The following EYS variants were observed in gnomAD, a reference collection of about 807,000 sequenced individuals.
The protein encoded by EYS is protein eyes shut homolog.
In EYS, 250 loss-of-function variants were observed where a neutral mutation model predicts 282.1. The observed-to-expected ratio is 0.89, with a 90% CI of 0.80 to 0.98. The LOEUF is 0.98. EYS is among the 50% of genes least tolerant of loss of function. The pLI is 0.00. For missense variants in EYS, 4,016 were observed against 3,709.0 expected, an observed-to-expected ratio of 1.08 and a Z score of -2.15; for synonymous variants, 1,355 against 1,282.9, an observed-to-expected ratio of 1.06 and a Z score of -1.20.
At chr6:64,398,761 C>A (rs954267616) in intron 28 of EYS, among the ~76,000 whole-genome samples, 1 of 151,810 alleles carries the variant, frequency 6.6e-6, no homozygotes, top group African/African-American at 2.4e-5. Flanking sequence ...CAGGTATGGT[C>A]ATGCAGCCAA....
intron 26 of EYS, among the ~76,000 whole-genome samples, chr6:64,512,386 A>C (rs374109625): frequency 6.2e-4 from 94 of 152,122 alleles, no homozygotes; most frequent in African/African-American, 2.2e-3. Flanking sequence ...GGCAATAAAT[A>C]CTGCAGTAGG....
At chr6:64,735,122 C>T (rs542308591) in intron 22 of EYS, among the ~76,000 whole-genome samples, 35 of 152,158 alleles carry the variant, frequency 2.3e-4, no homozygotes, top group African/African-American at 8.4e-4. Flanking sequence ...CATGCTCTGT[C>T]GCCCAGGCTG....
At chr6:64,096,938 T>A (rs1385993097) in intron 31 of EYS, among the ~76,000 whole-genome samples, 1 of 152,214 alleles carries the variant, frequency 6.6e-6, no homozygotes, top group East Asian at 1.9e-4. Context: ...TTGGTGTGGA[T>A]GTCCTTTCTG....
intron 15 of EYS, among the ~76,000 whole-genome samples, chr6:64,943,114 T>A (rs1222155970): frequency 6.6e-6 from 1 of 152,006 alleles, no homozygotes; most frequent in Non-Finnish European, 1.5e-5. Flanking sequence ...AAAAAACACA[T>A]GATGATCCCA....
intron 11 of EYS, among the ~76,000 whole-genome samples, chr6:65,326,293 C>T (rs552196751): frequency 1.1e-4 from 17 of 151,584 alleles, no homozygotes; most frequent in African/African-American, 4.1e-4. Flanking sequence ...TTTTAGAAAG[C>T]GATAGATTTA....
At chr6:64,658,582 C>T (rs1282493275) in intron 22 of EYS, among the ~76,000 whole-genome samples, 1 of 152,190 alleles carries the variant, frequency 6.6e-6, no homozygotes, top group Non-Finnish European at 1.5e-5. Context: ...AGTCAGGACC[C>T]TCAGCTGGAG....
intron 12 of EYS, among the ~76,000 whole-genome samples, chr6:65,293,514 A>T (rs1245640639): frequency 3.3e-5 from 5 of 151,846 alleles, no homozygotes; most frequent in Non-Finnish European, 5.9e-5. Context: ...TTTTCTGCAG[A>T]GAAGATTGGA....
chr6:65,561,347 A>G (rs1459034704), intron 2 of EYS, among the ~76,000 whole-genome samples: 1 of 152,222 alleles, frequency 6.6e-6, no homozygotes, highest in Non-Finnish European at 1.5e-5. Flanking sequence ...GCTCCCAATT[A>G]GCTGAAGAGA....
chr6:65,091,271 T>TAAAAAA (rs397887871), intron 12 of EYS, among the ~76,000 whole-genome samples: 1 of 56,418 alleles, frequency 1.8e-5, no homozygotes, highest in African/African-American at 6.6e-5. Context: ...CCATCTCCCC[T>TAAAAAA]AAAAAAAAAA....
intron 5 of EYS, among the ~76,000 whole-genome samples, chr6:65,475,362 T>A (rs1295260365): frequency 6.6e-6 from 1 of 152,102 alleles, no homozygotes; most frequent in East Asian, 1.9e-4. Context: ...TGAATCTTTC[T>A]AGCATTGGTC....
intron 22 of EYS, chr6:64,631,401 A>G (rs1244403014): frequency 2.6e-5 from 4 of 152,208 alleles, no homozygotes. Flanking sequence ...CACCTGGCCT[A>G]GATACTTTCC....
chr6:65,509,969 A>G (rs1013548247), intron 2 of EYS, among the ~76,000 whole-genome samples: 1 of 151,398 alleles, frequency 6.6e-6, no homozygotes, highest in East Asian at 2.0e-4. Flanking sequence ...GACCACACAT[A>G]TTATTGTTAT....
chr6:65,154,308 A>G (rs957485320), intron 12 of EYS, among the ~76,000 whole-genome samples: 1 of 151,756 alleles, frequency 6.6e-6, no homozygotes, highest in Non-Finnish European at 1.5e-5. Flanking sequence ...AAATTTCAAA[A>G]GAAAGGAGCA....
chr6:65,437,618 C>T (rs1369678921), intron 5 of EYS, among the ~76,000 whole-genome samples: 1 of 152,134 alleles, frequency 6.6e-6, no homozygotes, highest in African/African-American at 2.4e-5. Context: ...AAGAGTACTT[C>T]ATGTATGCTT....
chr6:64,864,406 TGACAGA>T, intron 19 of EYS, among the ~76,000 whole-genome samples: 1 of 129,286 alleles, frequency 7.7e-6, no homozygotes, highest in Non-Finnish European at 1.6e-5. Context: ...TTTTTTTTTT[TGACAGA>T]ATCTTGCTCT....
rs745655972 is a variant in EYS at position 65,353,483 on chromosome 6, T to C, written c.1434A>G (p.Glu478=). ...ICQDKGPAQF[E]YVWQLGFAGS... ...CTGCAAATCCCAATTGCCACACATA[T>C]TCAAATTGAGCAGGACCTTTATCTT... Residue 478 remains glutamate, a synonymous_variant, in exon 9 of 43, where the codon GAA becomes GAG. Coordinates refer to ENST00000503581, the MANE Select transcript of EYS (RefSeq NM_001142800.2). 6.2e-7 allele frequency: 1 copy of C among 1,613,190 alleles called. No individual in the cohort carries two copies. The highest frequency in any genetic ancestry group is 1.1e-5 in the South Asian group (1 of 91,048).
intron 12 of EYS, among the ~76,000 whole-genome samples, chr6:65,200,163 TAA>T: frequency 6.6e-6 from 1 of 152,052 alleles, no homozygotes; most frequent in East Asian, 1.9e-4. Context: ...GAAGGAAAGT[TAA>T]GTGTCAAAGA....
intron 12 of EYS, among the ~76,000 whole-genome samples, chr6:65,223,991 T>C (rs1476971057): frequency 2.0e-5 from 3 of 152,180 alleles, no homozygotes; most frequent in African/African-American, 7.2e-5. Context: ...CCTGTCTCAC[T>C]AGACTCAGAC....
chr6:64,089,196 T>C (rs986753339), intron 31 of EYS, among the ~76,000 whole-genome samples: 2 of 151,806 alleles, frequency 1.3e-5, no homozygotes, highest in Admixed American at 6.6e-5. Context: ...TTTCCACTTA[T>C]GAGTCTAATT....
Sources: gnomAD v4.1 joint callset for allele counts (sites outside exome capture counted in the v4.1 genomes callset) on GRCh38, gnomAD v4.1.1 for gene constraint, MANE v1.5 for transcripts, NCBI Gene and HGNC (gene_info 2026-07-23, HGNC 2026-07-21) for gene names.